The following RGS7BP variants were observed in gnomAD, a reference collection of about 807,000 sequenced individuals.
The protein encoded by RGS7BP is regulator of G protein signaling 7 binding protein, also known as regulator of G protein signaling 7-binding protein.
In RGS7BP, 9 loss-of-function variants were observed where a neutral mutation model predicts 31.3. The ratio of observed to expected loss-of-function variants is 0.29; its 90% CI spans 0.17 to 0.50. The LOEUF (loss-of-function observed/expected upper bound fraction) is 0.50. RGS7BP is among the 20% of genes least tolerant of loss of function. The pLI is 0.98. For synonymous variants in RGS7BP, 115 were observed against 120.1 expected (o/e 0.96, Z 0.28); for missense variants, 274 against 322.0 (o/e 0.85, Z 1.14).
intron 2 of RGS7BP, among the ~76,000 whole-genome samples, chr5:64,538,546 CTTTT>C (rs1191560944): frequency 4.7e-4 from 19 of 40,032 alleles, no homozygotes; most frequent in African/African-American, 2.1e-3. Flanking sequence ...TTTTCCTTTT[CTTTT>C]TTTTTTTTTT....
At chr5:64,507,476 G>A (rs1048421367) in intron 1 of RGS7BP, among the ~76,000 whole-genome samples, 1 of 152,120 alleles carries the variant, frequency 6.6e-6, no homozygotes, top group Admixed American at 6.5e-5. Flanking sequence ...AGGGGAAGTA[G>A]GTCTGGAAAT....
chr5:64,556,642 A>G (rs181952122), intron 2 of RGS7BP, among the ~76,000 whole-genome samples: 49 of 152,264 alleles, frequency 3.2e-4, no homozygotes, highest in African/African-American at 7.5e-4. Context: ...AAAGAGCAAA[A>G]AATATATAGT....
chr5:64,546,030 T>C (rs1741649862), intron 2 of RGS7BP, among the ~76,000 whole-genome samples: 1 of 152,144 alleles, frequency 6.6e-6, no homozygotes, highest in African/African-American at 2.4e-5. Flanking sequence ...GGTGTGCACC[T>C]GTAGTCCCAG....
At chr5:64,596,638 T>C (rs1743076798) in intron 4 of RGS7BP, among the ~76,000 whole-genome samples, 1 of 152,100 alleles carries the variant, frequency 6.6e-6, no homozygotes, top group South Asian at 2.1e-4. Context: ...CCTGCCCTCC[T>C]CTCTCACTTG....
intron 5 of RGS7BP, among the ~76,000 whole-genome samples, chr5:64,602,106 C>T (rs1217952669): frequency 1.3e-5 from 2 of 152,166 alleles, no homozygotes; most frequent in Non-Finnish European, 2.9e-5. Context: ...CTCCCAAACT[C>T]ATAGCATCCT....
intron 2 of RGS7BP, among the ~76,000 whole-genome samples, chr5:64,563,743 C>A (rs758189881): frequency 5.3e-5 from 8 of 152,110 alleles, no homozygotes; most frequent in Non-Finnish European, 1.0e-4. Flanking sequence ...GCAGCCCTAG[C>A]AAGCTAATAC....
chr5:64,612,297 A>C lies in RGS7BP; in HGVS notation c.*3045A>C, dbSNP rs1486479443. On this transcript the variant is annotated 3_prime_UTR_variant, in exon 6 of 6. Coordinates refer to ENST00000334025, the MANE Select transcript of RGS7BP (RefSeq NM_001029875.3). The stretch of plus-strand genomic sequence containing the variant: ...CACAAGGCCAAGGTGTCACTTAAAA[A>C]AACAAACAAAAAAAACAAGCCAGAA... 2 of 152,324 alleles carry C rather than the reference A, an allele frequency of 1.3e-5. No homozygotes were observed. Among genetic ancestry groups the C allele is most frequent in the African/African-American group, 4.8e-5 (2 of 41,396 alleles). 9.4% of individuals were successfully genotyped at this position (152,324 alleles called of 1,614,324 possible). A position where few individuals can be genotyped will look rare whatever the true frequency, so the allele number is the denominator to read the frequency against.
intron 2 of RGS7BP, among the ~76,000 whole-genome samples, chr5:64,515,821 A>G (rs1748958076): frequency 6.6e-6 from 1 of 151,290 alleles, no homozygotes; most frequent in South Asian, 2.1e-4. Context: ...GAACTGATTT[A>G]GCAAATAATA....
At position 64,543,535 on chromosome 5, in the gene RGS7BP, A is replaced by T. The variant is rs529611192; in HGVS notation, c.333-32239A>T. ...AAGACAGCTCCCTCTACCTGGAGAA[A>T]AAAGTTTAAAAAAAAATCCCAGAAA... On this transcript the variant is annotated intron_variant, in intron 2 of 5. Coordinates refer to ENST00000334025, the MANE Select transcript of RGS7BP (RefSeq NM_001029875.3). 2.9e-3 allele frequency among the ~76,000 whole-genome samples: 382 copies of T among 133,460 alleles called. 2 individuals are homozygous for T. Among genetic ancestry groups the T allele is most frequent in the Middle Eastern group, 7.2e-3 (2 of 278 alleles). The allele number at this position is 133,460 out of a possible 152,430, so 87.6% of individuals were successfully genotyped here.
chr5:64,516,510 G>A (rs1748979679), intron 2 of RGS7BP, among the ~76,000 whole-genome samples: 1 of 152,078 alleles, frequency 6.6e-6, no homozygotes, highest in Non-Finnish European at 1.5e-5. Flanking sequence ...TCTAGATCCA[G>A]GCTAATCCTC....
chr5:64,524,380 G>C (rs272625), intron 2 of RGS7BP, among the ~76,000 whole-genome samples: 101,333 of 152,026 alleles, frequency 0.67, 34,282 homozygotes, highest in East Asian at 0.95. Flanking sequence ...GGGAACTAAG[G>C]TGAAGGAGAT....
intron 2 of RGS7BP, among the ~76,000 whole-genome samples, chr5:64,559,142 A>G (rs10939993): frequency 0.21 from 31,259 of 152,058 alleles, 3,951 homozygotes; most frequent in South Asian, 0.35. Context: ...CTCCCCTTTG[A>G]AAATTGCTAG....
intron 2 of RGS7BP, among the ~76,000 whole-genome samples, chr5:64,515,822 G>T (rs1748958158): frequency 6.6e-6 from 1 of 150,876 alleles, no homozygotes; most frequent in Non-Finnish European, 1.5e-5. Context: ...AACTGATTTA[G>T]CAAATAATAA....
chr5:64,603,463 T>C (rs544345405), intron 5 of RGS7BP, among the ~76,000 whole-genome samples: 2 of 152,212 alleles, frequency 1.3e-5, no homozygotes, highest in South Asian at 4.1e-4. Context: ...ATCAGCATAG[T>C]GGGAATTGAA....
At chr5:64,531,303 GC>G (rs1477096491) in intron 2 of RGS7BP, among the ~76,000 whole-genome samples, 5 of 152,276 alleles carry the variant, frequency 3.3e-5, no homozygotes, top group African/African-American at 1.2e-4. Flanking sequence ...TGTAAGAGAG[GC>G]TTCCAAGGAA....
At chr5:64,552,683 A>G (rs1206239194) in intron 2 of RGS7BP, among the ~76,000 whole-genome samples, 2 of 152,118 alleles carry the variant, frequency 1.3e-5, no homozygotes, top group African/African-American at 2.4e-5. Context: ...GGCCTTGTAA[A>G]TGTTGCTATT....
At chr5:64,607,869 T>TG (rs557293189) in intron 5 of RGS7BP, among the ~76,000 whole-genome samples, 115 of 148,946 alleles carry the variant, frequency 7.7e-4, no homozygotes, top group African/African-American at 2.4e-3. Flanking sequence ...TTCAGGTGGT[T>TG]GGGGGGTTTA....
At chr5:64,542,375 C>T (rs547941181) in intron 2 of RGS7BP, among the ~76,000 whole-genome samples, 3 of 152,216 alleles carry the variant, frequency 2.0e-5, no homozygotes, top group Admixed American at 6.5e-5. Flanking sequence ...TTAAAAAATG[C>T]CATTTTGGTT....
In RGS7BP at chr5:64,506,614, G is replaced by A; in HGVS notation, c.-11G>A. 6.3e-7 allele frequency: 1 copy of A among 1,580,602 alleles called. No individual in the cohort carries two copies. Among genetic ancestry groups the A allele is most frequent in the Non-Finnish European group, 8.7e-7 (1 of 1,154,652 alleles). On this transcript the variant is annotated 5_prime_UTR_variant, in exon 1 of 6. Coordinates refer to ENST00000334025, the MANE Select transcript of RGS7BP (RefSeq NM_001029875.3). This position sits in a 1 kb window ranked among gnomAD's most constrained non-coding sequence, Gnocchi z 4.6. ...CTGCACCAGCGGCTTCGGCTTGGTG[G>A]ATGTGTATGCATGAGTTCTGCACCG...
Sources: allele counts gnomAD v4.1 joint callset (sites outside exome capture counted in the v4.1 genomes callset), GRCh38; gene constraint gnomAD v4.1.1; non-coding constraint Gnocchi (gnomAD v3.1); transcripts MANE v1.5; gene names NCBI Gene and HGNC (gene_info 2026-07-23, HGNC 2026-07-21).